The following AFAP1L2 variants were observed in gnomAD, a reference collection of about 807,000 sequenced individuals.
AFAP1L2 encodes the protein actin filament-associated protein 1-like 2.
In AFAP1L2, 46 loss-of-function variants were observed where a neutral mutation model predicts 99.3. That is an observed-to-expected ratio of 0.46 (90% CI 0.37 to 0.59). The LOEUF is 0.59. AFAP1L2 is among the 20% of genes least tolerant of loss of function. The pLI, the probability that AFAP1L2 is intolerant of heterozygous loss-of-function variation, is 0.00. For synonymous variants in AFAP1L2, 397 were observed against 419.1 expected (o/e 0.95, Z 0.64); for missense variants, 959 against 1,034.9 (o/e 0.93, Z 1.01).
chr10:114,334,940 T>C (rs1404017292), intron 2 of AFAP1L2, among the ~76,000 whole-genome samples: 1 of 152,240 alleles, frequency 6.6e-6, no homozygotes, highest in Non-Finnish European at 1.5e-5. Context: ...ACCAAACTCT[T>C]CAGTTCTCAA....
At chr10:114,347,614 C>A (rs898811098) in intron 1 of AFAP1L2, among the ~76,000 whole-genome samples, 7 of 152,040 alleles carry the variant, frequency 4.6e-5, no homozygotes, top group Non-Finnish European at 7.4e-5. Context: ...TAGGCATGTA[C>A]CACTTGAGAC....
At position 114,335,816 on chromosome 10, in the gene AFAP1L2, G is replaced by A. The variant is rs181863568; in HGVS notation, c.146-2521C>T. On this transcript the variant is annotated intron_variant, in intron 2 of 18. Transcript: ENST00000304129. ...ACAGTATATGAATCGTCAACACATG[G>A]AAATGTGTGCATGCAGCAATTCTAA... Among the ~76,000 whole-genome samples, 364 of 152,176 alleles carry A rather than the reference G, an allele frequency of 2.4e-3. 1 individual carries two copies. The highest frequency in any genetic ancestry group is 3.8e-3 in the Non-Finnish European group (261 of 68,008).
chr10:114,318,739 T>G (rs1414183147), intron 5 of AFAP1L2, among the ~76,000 whole-genome samples: 1 of 91,046 alleles, frequency 1.1e-5, no homozygotes, highest in Non-Finnish European at 2.3e-5. Context: ...AGACTCTGTC[T>G]AAAAAAAAGA....
At chr10:114,346,611 C>T (rs1207757860) in intron 1 of AFAP1L2, among the ~76,000 whole-genome samples, 3 of 152,212 alleles carry the variant, frequency 2.0e-5, no homozygotes, top group African/African-American at 7.2e-5. Context: ...AACTCGCTCA[C>T]CACATTTCCT....
intron 1 of AFAP1L2, among the ~76,000 whole-genome samples, chr10:114,398,364 C>G (rs931509117): frequency 6.6e-6 from 1 of 152,200 alleles, no homozygotes; most frequent in Non-Finnish European, 1.5e-5. Context: ...CTCTGAGAAG[C>G]TAGGATGCCT....
chr10:114,334,196 C>T (rs2047609104), intron 2 of AFAP1L2, among the ~76,000 whole-genome samples: 1 of 152,236 alleles, frequency 6.6e-6, no homozygotes, highest in Admixed American at 6.5e-5. Context: ...TTTAAAACCA[C>T]TTCTGTGCAG....
chr10:114,296,100 C>A, intron 18 of AFAP1L2, 32 bp from the exon 19 acceptor site: 1 of 1,613,858 alleles, frequency 6.2e-7, no homozygotes, highest in Non-Finnish European at 8.5e-7. Flanking sequence ...AGCACCCACC[C>A]CCCACCAAAA....
chr10:114,307,839 T>C lies in AFAP1L2; in HGVS notation c.1038A>G (p.Ser346=), dbSNP rs768584562. 6.2e-6 allele frequency: 10 copies of C among 1,613,998 alleles called. No homozygotes were observed. In the Admixed American group the frequency reaches 1.5e-4, roughly 24 times the overall value. ...LMNLGRKKST[S]LEPVERSLET... ...CGAGGGACCTCTCCACAGGCTCCAG[T>C]GAGGTGGATTTCTTCCTGCCCAGAT... The change falls in exon 10 of 19, where the codon TCA becomes TCG. Residue 346 remains serine (S), a synonymous_variant. Coordinates refer to ENST00000304129, the MANE Select transcript of AFAP1L2 (RefSeq NM_001001936.3).
At chr10:114,313,369 G>C (rs2043566583) in intron 7 of AFAP1L2, among the ~76,000 whole-genome samples, 1 of 152,162 alleles carries the variant, frequency 6.6e-6, no homozygotes, top group African/African-American at 2.4e-5. Flanking sequence ...TTCGTGGTGG[G>C]AGGAGGCACA....
intron 1 of AFAP1L2, among the ~76,000 whole-genome samples, chr10:114,357,020 C>T (rs1263227861): frequency 6.6e-6 from 1 of 152,168 alleles, no homozygotes; most frequent in Non-Finnish European, 1.5e-5. Context: ...CTAAATTAAA[C>T]CCTTGAAGCC....
chr10:114,301,343 C>T lies in AFAP1L2; in HGVS notation c.1542+11G>A, dbSNP rs181405695. The T allele has an allele frequency of 1.7e-4, 270 of 1,609,392 alleles. No homozygotes were observed. The highest frequency in any genetic ancestry group is 3.3e-4 in the African/African-American group (25 of 74,948). On this transcript the variant is annotated intron_variant, in intron 13 of 18. Transcript: ENST00000304129. Reference sequence around the variant, plus strand: ...GGAGAGGCCCAGGCCACTGCCTGGCCGGGTCCTTACCGCAGCTGTGAGCTC... The same window carrying T: ...GGAGAGGCCCAGGCCACTGCCTGGCTGGGTCCTTACCGCAGCTGTGAGCTC...
chr10:114,300,694 C>T lies in AFAP1L2; in HGVS notation c.1543-4G>A. The T allele has an allele frequency of 6.3e-7, 1 of 1,581,416 alleles. No individual in the cohort carries two copies. The highest frequency in any genetic ancestry group is 1.3e-5 in the African/African-American group (1 of 74,654). ...TGGCTTCCTCGGTAGGCTCCACCTG[C>T]AGGAGAGAGTGAGTCTGGGGCATTC... On this transcript the variant is annotated splice_region_variant and splice_polypyrimidine_tract_variant and intron_variant, in intron 13 of 18. Coordinates refer to ENST00000304129, the MANE Select transcript of AFAP1L2 (RefSeq NM_001001936.3).
At chr10:114,306,718 C>T (rs574467842) in intron 10 of AFAP1L2, among the ~76,000 whole-genome samples, 1 of 152,154 alleles carries the variant, frequency 6.6e-6, no homozygotes, top group African/African-American at 2.4e-5. Context: ...ACCCCCAGTC[C>T]TGGGAAGGAG....
intron 1 of AFAP1L2, among the ~76,000 whole-genome samples, chr10:114,355,256 C>CTT (rs35562783): frequency 1.6e-4 from 21 of 133,106 alleles, no homozygotes; most frequent in African/African-American, 2.5e-4. Context: ...CTCGCTCTCT[C>CTT]TTTTTTTTTT....
At chr10:114,367,991 C>T (rs555739632) in intron 1 of AFAP1L2, among the ~76,000 whole-genome samples, 10 of 152,278 alleles carry the variant, frequency 6.6e-5, no homozygotes, top group South Asian at 2.1e-4. Flanking sequence ...TCACCAGGAG[C>T]GGGATTCCAC....
Position 114,336,546 on chromosome 10 carries a change from T to C in AFAP1L2, c.146-3251A>G, listed in dbSNP as rs528196669. Reference sequence around the variant, plus strand: ...GTTGGGAAGATGAGCTCAAAGTGCTTAGAGGTCTGCAGAGGGTGGTCCTTC... The same window carrying C: ...GTTGGGAAGATGAGCTCAAAGTGCTCAGAGGTCTGCAGAGGGTGGTCCTTC... On this transcript the variant is annotated intron_variant, in intron 2 of 18. Transcript: ENST00000304129. Among the ~76,000 whole-genome samples the C allele has an allele frequency of 2.6e-5, 4 of 152,288 alleles. No individual in the cohort carries two copies. The South Asian group carries it at 8.3e-4, about 32-fold the overall frequency.
At chr10:114,318,751 A>AAAAAGAAAAG (rs1554894543) in intron 5 of AFAP1L2, among the ~76,000 whole-genome samples, 7,991 of 147,630 alleles carry the variant, frequency 0.054, 299 homozygotes, top group South Asian at 0.077. Flanking sequence ...AAAAAAAGAA[A>AAAAAGAAAAG]AAAAAAAGAA....
intron 1 of AFAP1L2, among the ~76,000 whole-genome samples, chr10:114,397,505 T>C (rs622646): frequency 0.88 from 133,058 of 151,748 alleles, 58,558 homozygotes; most frequent in Middle Eastern, 0.94. Flanking sequence ...ATGTTTGCTA[T>C]GGAGAAATCA....
At chr10:114,335,362 C>T (rs1428113171) in intron 2 of AFAP1L2, among the ~76,000 whole-genome samples, 1 of 151,998 alleles carries the variant, frequency 6.6e-6, no homozygotes, top group Admixed American at 6.6e-5. Flanking sequence ...TCTGTAATCC[C>T]AGCACTTTGG....
Sources: allele counts gnomAD v4.1 joint callset (sites outside exome capture counted in the v4.1 genomes callset), GRCh38; gene constraint gnomAD v4.1.1; transcripts MANE v1.5; gene names NCBI Gene and HGNC (gene_info 2026-07-23, HGNC 2026-07-21).